MAST4: variants seen among roughly 807,000 people sequenced by gnomAD.
MAST4 encodes the protein microtubule associated serine/threonine kinase family member 4.
A neutral mutation model predicts 162.7 loss-of-function variants in MAST4; 89 were observed. That is an observed-to-expected ratio of 0.55 (90% CI 0.46 to 0.65). The LOEUF is 0.65. Among genes scored for constraint, MAST4 ranks in the 30% least tolerant of loss-of-function variants. The pLI, the probability that MAST4 is intolerant of heterozygous loss-of-function variation, is 0.00. For missense variants in MAST4, 3,153 were observed against 3,374.0 expected (o/e 0.93, Z 1.62); for synonymous variants, 1,479 against 1,361.1 (o/e 1.09, Z -1.91).
intron 4 of MAST4, among the ~76,000 whole-genome samples, chr5:66,913,175 A>T (rs946667787): frequency 6.6e-6 from 1 of 152,206 alleles, no homozygotes; most frequent in Non-Finnish European, 1.5e-5. Flanking sequence ...GCACAATTTC[A>T]TAAGTTGATA....
At position 67,166,081 on chromosome 5, in the gene MAST4, C is replaced by G; in HGVS notation, c.6902C>G (p.Pro2301Arg). Reference protein sequence around the residue: ...GGRPLEVLEKPVHLPRPGHPG... With the variant: ...GGRPLEVLEKRVHLPRPGHPG... ...CGGCCCCTGGAGGTGCTGGAGAAGC[C>G]TGTGCATTTGCCAAGGCCGGGACAC... The change falls in exon 29 of 29, where the codon CCT becomes CGT. Residue 2301 changes from proline to arginine, a missense_variant. Physicochemically the swap from Pro to Arg is moderately radical, Grantham distance 103. Around this residue, in one of 7 missense-constraint regions of MAST4, gnomAD observed 1,644 missense variants for 1,495.0 expected, o/e 1.10. Coordinates refer to ENST00000403625, the MANE Select transcript of MAST4 (RefSeq NM_001164664.2). 6.2e-7 allele frequency: 1 copy of G among 1,613,464 alleles called. No individual in the cohort carries two copies. Among genetic ancestry groups the G allele is most frequent in the South Asian group, 1.1e-5 (1 of 90,986 alleles).
chr5:66,671,581 CAGTCTACAA>C lies in MAST4; in HGVS notation c.363+74569_363+74577del, dbSNP rs1747615835. ...GGGCTGTTAATGGCTTTTTGGTAGC[CAGTCTACAA>C]AGTCTGCCACAGCCATAAAATACGG... On this transcript the variant is annotated intron_variant, in intron 1 of 28. Coordinates refer to ENST00000403625, the MANE Select transcript of MAST4 (RefSeq NM_001164664.2). 2.8e-5 allele frequency among the ~76,000 whole-genome samples: 4 copies of C among 144,380 alleles called. No homozygotes were observed. The South Asian group carries it at 9.5e-4, about 34-fold the overall frequency. The allele number at this position is 144,380 out of a possible 152,430, so 94.7% of individuals were successfully genotyped here.
At chr5:66,626,275 AATG>A (rs1220530504) in intron 1 of MAST4, among the ~76,000 whole-genome samples, 2 of 152,196 alleles carry the variant, frequency 1.3e-5, no homozygotes, top group Admixed American at 6.5e-5. Flanking sequence ...CACGTGCACA[AATG>A]ATAACTGTAG....
intron 3 of MAST4, among the ~76,000 whole-genome samples, chr5:66,895,887 G>A (rs953722927): frequency 6.6e-6 from 1 of 152,036 alleles, no homozygotes; most frequent in African/African-American, 2.4e-5. Context: ...TTACAATACA[G>A]CTCAGAAAAT....
chr5:66,597,265 C>T (rs1484373990), intron 1 of MAST4, among the ~76,000 whole-genome samples: 1 of 152,182 alleles, frequency 6.6e-6, no homozygotes, highest in Non-Finnish European at 1.5e-5. Context: ...TTTAAAATGT[C>T]AGAGAAGCAA....
chr5:66,946,068 A>T (rs1175123437), intron 4 of MAST4, among the ~76,000 whole-genome samples: 1 of 152,054 alleles, frequency 6.6e-6, no homozygotes, highest in Non-Finnish European at 1.5e-5. Context: ...AATGTGCTTG[A>T]GAAAAGAGGG....
intron 1 of MAST4, among the ~76,000 whole-genome samples, chr5:66,643,849 T>C (rs968582668): frequency 2.6e-5 from 4 of 151,500 alleles, no homozygotes; most frequent in Non-Finnish European, 4.4e-5. Flanking sequence ...AAGGGATTTA[T>C]TGAGCAGGAA....
chr5:66,688,199 T>A (rs1190991873), intron 1 of MAST4, among the ~76,000 whole-genome samples: 1 of 152,176 alleles, frequency 6.6e-6, no homozygotes, highest in African/African-American at 2.4e-5. Context: ...TGATGTCAAG[T>A]CTATCAAAAG....
chr5:66,802,958 A>C (rs1444072876), intron 3 of MAST4, among the ~76,000 whole-genome samples: 1 of 152,064 alleles, frequency 6.6e-6, no homozygotes, highest in East Asian at 1.9e-4. Context: ...TTGCTTTATT[A>C]ACTGTTCTTC....
chr5:66,641,855 C>CT, intron 1 of MAST4, among the ~76,000 whole-genome samples: 1 of 152,118 alleles, frequency 6.6e-6, no homozygotes, highest in East Asian at 1.9e-4. Flanking sequence ...AGTTAGTCAC[C>CT]TTTGAAGGAT....
chr5:66,633,709 C>T (rs559221712), intron 1 of MAST4, among the ~76,000 whole-genome samples: 89 of 152,124 alleles, frequency 5.9e-4, no homozygotes, highest in Non-Finnish European at 7.2e-4. Flanking sequence ...TGTTTGTTTT[C>T]CAACTAGGTT....
Position 66,959,872 on chromosome 5 carries a change from T to C in MAST4, c.674+59890T>C, listed in dbSNP as rs181761917. Among the ~76,000 whole-genome samples, 610 of 152,154 alleles carry C rather than the reference T, an allele frequency of 4.0e-3. 1 individual carries two copies. Among genetic ancestry groups the C allele is most frequent in the Non-Finnish European group, 6.4e-3 (434 of 68,006 alleles). The stretch of plus-strand genomic sequence containing the variant: ...GTGTTTGCTTAGCTGTTTTTTTTTT[T>C]AACCCATTAACTCATCTGACTGCCT... On this transcript the variant is annotated intron_variant, in intron 4 of 28. Transcript: ENST00000403625.
chr5:66,760,207 C>A (rs1753780098), intron 2 of MAST4, among the ~76,000 whole-genome samples: 1 of 148,266 alleles, frequency 6.7e-6, no homozygotes, highest in Non-Finnish European at 1.5e-5. Context: ...CCTCCGCCTC[C>A]CAGGTTCAAG....
intron 3 of MAST4, among the ~76,000 whole-genome samples, chr5:66,843,805 G>A (rs1196546472): frequency 6.6e-6 from 1 of 152,096 alleles, no homozygotes; most frequent in Non-Finnish European, 1.5e-5. Flanking sequence ...TGGGAATTTT[G>A]ATACACAGCC....
At chr5:66,842,703 G>A (rs768065541) in intron 3 of MAST4, among the ~76,000 whole-genome samples, 1 of 152,134 alleles carries the variant, frequency 6.6e-6, no homozygotes, top group Non-Finnish European at 1.5e-5. Flanking sequence ...ACTGATTTGT[G>A]GTGGAGGCGA....
intron 5 of MAST4, among the ~76,000 whole-genome samples, chr5:67,066,429 TTATA>T (rs912730001): frequency 6.6e-6 from 1 of 151,062 alleles, no homozygotes; most frequent in South Asian, 2.1e-4. Flanking sequence ...TAAATATGAT[TTATA>T]TATATACATT....
At chr5:66,607,777 T>A (rs1742985813) in intron 1 of MAST4, among the ~76,000 whole-genome samples, 1 of 152,212 alleles carries the variant, frequency 6.6e-6, no homozygotes, top group African/African-American at 2.4e-5. Context: ...TTTTTTTATT[T>A]GCCTCTTATT....
rs780370591 is a variant in MAST4, at chr5:66,998,100, C to T, written c.675-56304C>T. 6.2e-4 allele frequency among the ~76,000 whole-genome samples: 95 copies of T among 152,270 alleles called. 1 individual carries two copies. The highest frequency in any genetic ancestry group is 4.1e-4 in the Non-Finnish European group (28 of 68,012). ...GAAAAAATATTCAAGAAAAGAAGAA[C>T]GGATAAATTAACCTTAATCTTAAAT... On this transcript the variant is annotated intron_variant, in intron 4 of 28. Transcript: ENST00000403625.
chr5:67,087,760 A>AT (rs1763407697), intron 5 of MAST4, among the ~76,000 whole-genome samples: 1 of 152,192 alleles, frequency 6.6e-6, no homozygotes, highest in African/African-American at 2.4e-5. Flanking sequence ...GTATATATAT[A>AT]TTTGCATTTT....
Sources: allele counts gnomAD v4.1 joint callset (sites outside exome capture counted in the v4.1 genomes callset), GRCh38; gene constraint gnomAD v4.1.1; regional missense constraint gnomAD v4.1.1; transcripts MANE v1.5; gene names NCBI Gene and HGNC (gene_info 2026-07-23, HGNC 2026-07-21).